Variants in MAPK10 observed in about 807,000 individuals in gnomAD.
MAPK10 encodes the protein JNK3 alpha protein kinase.
Under a neutral mutation model 59.3 loss-of-function variants are expected in MAPK10, and 25 were observed. The ratio of observed to expected loss-of-function variants is 0.42; its 90% CI spans 0.31 to 0.59. The LOEUF is 0.59. Ranked by LOEUF, MAPK10 falls within the 20% of genes least tolerant of loss-of-function variation. MAPK10 has a pLI of 0.15. For missense variants in MAPK10, 351 were observed against 568.9 expected (o/e 0.62, Z 3.90); for synonymous variants, 190 against 200.5 (o/e 0.95, Z 0.44).
intron 9 of MAPK10, chr4:86,080,856 T>A (rs555472972): frequency 1.8e-4 from 27 of 152,118 alleles, no homozygotes; most frequent in Non-Finnish European, 3.7e-4. Flanking sequence ...TATACAAAAT[T>A]GAGCTTTAAA....
intron 2 of MAPK10, among the ~76,000 whole-genome samples, chr4:86,202,779 T>A (rs2082932698): frequency 6.6e-6 from 1 of 151,986 alleles, no homozygotes; most frequent in Non-Finnish European, 1.5e-5. Flanking sequence ...GAATGAATAA[T>A]CTTGCTATGA....
At chr4:86,456,641 A>G (rs1751255021), upstream of MAPK10, among the ~76,000 whole-genome samples, 2 of 152,084 alleles carry the variant, frequency 1.3e-5, no homozygotes, top group African/African-American at 4.8e-5. Flanking sequence ...CCAATAACAA[A>G]CAGCAATATT....
At chr4:86,191,208 G>T (rs1207547860) in intron 3 of MAPK10, among the ~76,000 whole-genome samples, 1 of 152,122 alleles carries the variant, frequency 6.6e-6, no homozygotes, top group Non-Finnish European at 1.5e-5. Flanking sequence ...GTGTTGAGAA[G>T]AATGTATATT....
intron 1 of MAPK10, among the ~76,000 whole-genome samples, chr4:86,419,927 T>C (rs1746299071): frequency 6.6e-6 from 1 of 152,254 alleles, no homozygotes; most frequent in Non-Finnish European, 1.5e-5. Context: ...GTCATCATTG[T>C]AGCTCCTGTA....
chr4:86,134,434 A>C (rs1450617577), intron 4 of MAPK10, among the ~76,000 whole-genome samples: 1 of 152,242 alleles, frequency 6.6e-6, no homozygotes, highest in Non-Finnish European at 1.5e-5. Flanking sequence ...AGCAATTAAT[A>C]ATCAGATTTT....
chr4:86,390,719 T>G (rs1219217779), intron 1 of MAPK10, among the ~76,000 whole-genome samples: 3 of 152,190 alleles, frequency 2.0e-5, no homozygotes, highest in Admixed American at 1.3e-4. Flanking sequence ...ATCACCCTTT[T>G]ATGTCCAACT....
chr4:86,147,172 C>T (rs139971708), intron 4 of MAPK10, among the ~76,000 whole-genome samples: 1,619 of 152,032 alleles, frequency 0.011, 29 homozygotes, highest in African/African-American at 0.036. Context: ...CTGCAACCTC[C>T]GCCTCCTGGG....
intron 1 of MAPK10, among the ~76,000 whole-genome samples, chr4:86,548,265 C>A (rs1165623532): frequency 6.6e-6 from 1 of 152,088 alleles, no homozygotes; most frequent in Admixed American, 6.5e-5. Context: ...TCCGCAGTTT[C>A]ACTCCTGAGC....
chr4:86,063,385 T>A (rs1366687429), intron 11 of MAPK10, among the ~76,000 whole-genome samples: 1 of 152,146 alleles, frequency 6.6e-6, no homozygotes, highest in Non-Finnish European at 1.5e-5. Flanking sequence ...ACAAATGGAT[T>A]GGAAGGTATT....
intron 1 of MAPK10, among the ~76,000 whole-genome samples, chr4:86,430,539 G>A (rs1050062117): frequency 2.0e-5 from 3 of 152,102 alleles, no homozygotes; most frequent in South Asian, 2.1e-4. Context: ...TTAAATAAAC[G>A]AGTAGTTATA....
At chr4:86,399,507 C>G (rs969435872) in intron 1 of MAPK10, among the ~76,000 whole-genome samples, 2 of 151,962 alleles carry the variant, frequency 1.3e-5, no homozygotes, top group Non-Finnish European at 2.9e-5. Context: ...ATATTTTCTC[C>G]CATTCTGTAG....
chr4:86,374,255 T>TG (rs1739413729), intron 1 of MAPK10, among the ~76,000 whole-genome samples: 1 of 151,186 alleles, frequency 6.6e-6, no homozygotes, highest in Non-Finnish European at 1.5e-5. Flanking sequence ...CAGGGCCTGT[T>TG]GGGGGTGGGG....
intron 4 of MAPK10, chr4:86,120,581 T>G (rs2149112143): frequency 6.6e-6 from 1 of 152,332 alleles, no homozygotes; most frequent in South Asian, 2.1e-4. Flanking sequence ...GGAGAAATAT[T>G]AACTTCATCT....
chr4:86,236,450 T>C (rs969658253), intron 2 of MAPK10, among the ~76,000 whole-genome samples: 1 of 152,194 alleles, frequency 6.6e-6, no homozygotes, highest in Admixed American at 6.5e-5. Context: ...TCCTACACTT[T>C]GGTAAATCTG....
At chr4:86,101,535 C>A (rs2149072434) in intron 7 of MAPK10, 1 of 371,470 alleles carries the variant, frequency 2.7e-6, no homozygotes, top group Non-Finnish European at 4.9e-6. Flanking sequence ...ACATATATAT[C>A]ATTTCTAGGC....
chr4:86,329,349 T>C (rs147918591), intron 2 of MAPK10, among the ~76,000 whole-genome samples: 2,969 of 152,340 alleles, frequency 0.019, 79 homozygotes, highest in African/African-American at 0.067. Flanking sequence ...AGCTGATTAA[T>C]TGGTTTTTAA....
At chr4:86,362,785 T>C (rs994656332), upstream of MAPK10, among the ~76,000 whole-genome samples, 1 of 152,098 alleles carries the variant, frequency 6.6e-6, no homozygotes, top group African/African-American at 2.4e-5. Context: ...TTAAAAAGAC[T>C]AACATCATCA....
intron 1 of MAPK10, among the ~76,000 whole-genome samples, chr4:86,573,815 C>T (rs1761650374): frequency 2.6e-5 from 4 of 151,856 alleles, no homozygotes; most frequent in Admixed American, 2.6e-4. Context: ...TAGATTTATC[C>T]CTTATTATTC....
chr4:86,107,646 A>T, intron 4 of MAPK10: 1 of 1,024,676 alleles, frequency 9.8e-7, no homozygotes, highest in Non-Finnish European at 1.2e-6. Flanking sequence ...AGAATATAGC[A>T]TATAATTGCC....
Sources: allele counts gnomAD v4.1 joint callset (sites outside exome capture counted in the v4.1 genomes callset), GRCh38; gene constraint gnomAD v4.1.1; transcripts MANE v1.5; gene names NCBI Gene and HGNC (gene_info 2026-07-23, HGNC 2026-07-21).